The following CHL1 variants were observed in gnomAD, a reference collection of about 807,000 sequenced individuals.
The protein encoded by CHL1 is neural cell adhesion molecule L1-like protein.
A neutral mutation model predicts 141.9 loss-of-function variants in CHL1; 96 were observed. The observed-to-expected ratio is 0.68, with a 90% CI of 0.57 to 0.80. The LOEUF is 0.80. CHL1 is among the 30% of genes least tolerant of loss of function. The probability of loss-of-function intolerance (pLI) is 0.00; values close to 1 mark genes in which losing one functional copy is unlikely to be tolerated. For missense variants in CHL1, 1,820 were observed against 1,457.2 expected (o/e 1.25, Z -4.05); for synonymous variants, 613 against 502.2 (o/e 1.22, Z -2.95).
chr3:259,610 G>C (rs73815804), intron 2 of CHL1, among the ~76,000 whole-genome samples: 1,770 of 151,952 alleles, frequency 0.012, 29 homozygotes, highest in African/African-American at 0.04. Context: ...CTTGCTATCT[G>C]CTTTACCCTG....
chr3:219,093 G>A (rs1700590647), intron 1 of CHL1, among the ~76,000 whole-genome samples: 1 of 151,882 alleles, frequency 6.6e-6, no homozygotes, highest in Non-Finnish European at 1.5e-5. Flanking sequence ...AGCTTGCAGT[G>A]AGCCGAGATC....
At chr3:373,759 C>G (rs1705944103) in intron 15 of CHL1, 1 of 152,362 alleles carries the variant, frequency 6.6e-6, no homozygotes, top group Admixed American at 6.5e-5. Flanking sequence ...TGAGTGGGGT[C>G]TTCCAATCCA....
chr3:336,757 T>A (rs1286839632), intron 5 of CHL1, among the ~76,000 whole-genome samples: 2 of 152,242 alleles, frequency 1.3e-5, no homozygotes, highest in African/African-American at 2.4e-5. Flanking sequence ...GCTATTTTTC[T>A]GTATATTATG....
In CHL1 at chr3:356,074, C is replaced by T. The variant is rs1703691381; in HGVS notation, c.1165+1303C>T. Among the ~76,000 whole-genome samples the T allele has an allele frequency of 2.0e-5, 3 of 152,148 alleles. No individual in the cohort carries two copies. In the South Asian group the frequency reaches 6.2e-4, roughly 32 times the overall value. ...GTATGGTTGGTTGGTATTGTTTTCC[C>T]ATAACAGACACTCAGGAAACCTTAG... On this transcript the variant is annotated intron_variant, in intron 11 of 27. Transcript: ENST00000256509.
chr3:401,932 T>G (rs932065944), intron 27 of CHL1, among the ~76,000 whole-genome samples: 3 of 152,180 alleles, frequency 2.0e-5, no homozygotes, highest in Admixed American at 1.3e-4. Flanking sequence ...GTAGGACACT[T>G]TTCTTGAAGC....
intron 3 of CHL1, among the ~76,000 whole-genome samples, chr3:324,350 C>T (rs1330145191): frequency 6.6e-6 from 1 of 152,050 alleles, no homozygotes; most frequent in Non-Finnish European, 1.5e-5. Context: ...TGCTGCGAAA[C>T]AGTTTTCATT....
At chr3:396,946 A>C (rs1440511876) in intron 24 of CHL1, among the ~76,000 whole-genome samples, 1 of 152,162 alleles carries the variant, frequency 6.6e-6, no homozygotes, top group East Asian at 1.9e-4. Flanking sequence ...ACCTACTGCT[A>C]TGCATCTTTC....
intron 5 of CHL1, among the ~76,000 whole-genome samples, chr3:332,758 A>T (rs1335118665): frequency 6.6e-6 from 1 of 152,174 alleles, no homozygotes; most frequent in African/African-American, 2.4e-5. Context: ...ATTGTGGTTG[A>T]TCATCGTTAA....
chr3:240,393 T>A (rs1046016314), intron 1 of CHL1, among the ~76,000 whole-genome samples: 2 of 152,240 alleles, frequency 1.3e-5, no homozygotes, highest in Non-Finnish European at 2.9e-5. Context: ...CATATGTATA[T>A]CTTCTTTTGA....
At chr3:354,463 T>C (rs978175591) in intron 10 of CHL1, among the ~76,000 whole-genome samples, 177 bp from the exon 11 acceptor site, 2 of 150,392 alleles carry the variant, frequency 1.3e-5, no homozygotes, top group African/African-American at 4.9e-5. Context: ...ACACACACCA[T>C]ACAACACAAA....
At chr3:337,252 A>G (rs1469725537) in intron 5 of CHL1, among the ~76,000 whole-genome samples, 10 of 144,960 alleles carry the variant, frequency 6.9e-5, no homozygotes, top group Admixed American at 1.4e-4. Flanking sequence ...GGGCAGTGGC[A>G]CAATCTCTGC....
chr3:202,298 G>C (rs909307576), intron 1 of CHL1, among the ~76,000 whole-genome samples: 2 of 152,166 alleles, frequency 1.3e-5, no homozygotes, highest in East Asian at 1.9e-4. Flanking sequence ...AATGAACAAA[G>C]ATAGAGGGAC....
chr3:342,744 T>A (rs1158721235), intron 7 of CHL1, among the ~76,000 whole-genome samples: 2 of 152,170 alleles, frequency 1.3e-5, no homozygotes, highest in Non-Finnish European at 2.9e-5. Flanking sequence ...AACATTCTTC[T>A]AGTAGCCTCA....
intron 5 of CHL1, among the ~76,000 whole-genome samples, chr3:334,111 C>T (rs984508244): frequency 3.9e-5 from 6 of 152,176 alleles, no homozygotes; most frequent in African/African-American, 1.4e-4. Context: ...CATGTACCAC[C>T]ATGCCCACCT....
chr3:304,392 T>C (rs1442972367), intron 2 of CHL1, among the ~76,000 whole-genome samples: 1 of 152,086 alleles, frequency 6.6e-6, no homozygotes, highest in Non-Finnish European at 1.5e-5. Flanking sequence ...GGCTGGTAGA[T>C]TATTGATTAC....
chr3:408,591 G>A lies in CHL1; in HGVS notation c.*2880G>A, dbSNP rs148621138. 65 of 152,178 alleles carry A rather than the reference G, an allele frequency of 4.3e-4. No individual in the cohort carries two copies. Among genetic ancestry groups the A allele is most frequent in the African/African-American group, 1.4e-3 (60 of 41,542 alleles). The allele number at this position is 152,178 out of a possible 1,614,324, so 9.4% of individuals were successfully genotyped here. A position where few individuals can be genotyped will look rare whatever the true frequency, so the allele number is the denominator to read the frequency against. On this transcript the variant is annotated 3_prime_UTR_variant, in exon 28 of 28. Transcript: ENST00000256509. The stretch of plus-strand genomic sequence containing the variant: ...CATAAGCAAACCTTTAACTAATTAT[G>A]TATCTGAAAGTCACCCCCACATACC...
Position 337,527 on chromosome 3 carries a change from C to T in CHL1, c.386-3267C>T, listed in dbSNP as rs562503650. Among the ~76,000 whole-genome samples the T allele has an allele frequency of 1.2e-4, 18 of 151,368 alleles. 1 individual carries two copies. The East Asian group carries it at 3.3e-3, about 28-fold the overall frequency. ...GCTATCCCTCCCCTCTCCCCCCACC[C>T]CACAACAGGCCCCGGTGTGTGATGT... On this transcript the variant is annotated intron_variant, in intron 5 of 27. Coordinates refer to ENST00000256509, the MANE Select transcript of CHL1 (RefSeq NM_006614.4).
Position 344,635 on chromosome 3 carries a change from T to G in CHL1, c.774T>G (p.Thr258=). The change falls in exon 9 of 28, where the codon ACT becomes ACG. Residue 258 remains threonine (T), a synonymous_variant. Coordinates refer to ENST00000256509, the MANE Select transcript of CHL1 (RefSeq NM_006614.4). ...QRKPKLLLPP[T]ESGSESSITI... ...AACCCAAACTGCTGTTGCCTCCCAC[T>G]GAGAGTGGCAGTGAGTCTTCAATTA... The G allele has an allele frequency of 6.2e-7, 1 of 1,613,232 alleles. No individual in the cohort carries two copies. Among genetic ancestry groups the G allele is most frequent in the Non-Finnish European group, 8.5e-7 (1 of 1,179,326 alleles).
At chr3:283,191 TTGA>T (rs759964637) in intron 2 of CHL1, among the ~76,000 whole-genome samples, 1 of 152,242 alleles carries the variant, frequency 6.6e-6, no homozygotes, top group African/African-American at 2.4e-5. Flanking sequence ...TAAATAAAAC[TTGA>T]TGATCACTTT....
Sources: allele counts gnomAD v4.1 joint callset (sites outside exome capture counted in the v4.1 genomes callset), GRCh38; gene constraint gnomAD v4.1.1; transcripts MANE v1.5; gene names NCBI Gene and HGNC (gene_info 2026-07-23, HGNC 2026-07-21).